Variants in RBFOX1 observed in about 807,000 individuals in gnomAD.
The protein encoded by RBFOX1 is RNA binding protein fox-1 homolog 1.
A neutral mutation model predicts 57.7 loss-of-function variants in RBFOX1; 8 were observed. That is an observed-to-expected ratio of 0.14 (90% CI 0.08 to 0.25). The LOEUF is 0.25. RBFOX1 is among the 10% of genes least tolerant of loss of function. RBFOX1 has a pLI of 1.00. For missense variants in RBFOX1, 611 were observed against 548.5 expected (o/e 1.11, Z -1.14); for synonymous variants, 326 against 222.4 (o/e 1.47, Z -4.15).
chr16:7,056,557 G>C (rs559037548), intron 4 of RBFOX1, among the ~76,000 whole-genome samples: 1 of 152,074 alleles, frequency 6.6e-6, no homozygotes, highest in Non-Finnish European at 1.5e-5. Context: ...CCAACAGATG[G>C]ACAAATAAAC....
intron 1 of RBFOX1, among the ~76,000 whole-genome samples, chr16:6,304,800 G>T (rs918214743): frequency 2.1e-5 from 3 of 141,562 alleles, no homozygotes; most frequent in African/African-American, 8.2e-5. Flanking sequence ...CCGGAGAAGG[G>T]AGGTGGAAAT....
At chr16:6,004,901 G>A (rs189363643) in intron 4 of RBFOX1, among the ~76,000 whole-genome samples, 24 of 152,252 alleles carry the variant, frequency 1.6e-4, no homozygotes, top group African/African-American at 4.1e-4. Context: ...TTAGTCAAGC[G>A]TGCAGTGTGT....
At chr16:6,730,480 CCTAA>C (rs1037121522) in intron 3 of RBFOX1, among the ~76,000 whole-genome samples, 21 of 152,070 alleles carry the variant, frequency 1.4e-4, no homozygotes, top group East Asian at 3.9e-4. Flanking sequence ...TATCTAATTA[CCTAA>C]CTGTCTAATC....
chr16:5,591,789 T>G (rs540109606), intron 2 of RBFOX1, among the ~76,000 whole-genome samples: 178 of 152,342 alleles, frequency 1.2e-3, no homozygotes, highest in Admixed American at 1.9e-3. Context: ...GAATTTATGT[T>G]GTTCCCAGTA....
Position 7,137,009 on chromosome 16 carries a change from C to G in RBFOX1, c.27+84911C>G, listed in dbSNP as rs74599441. Reference sequence around the variant, plus strand: ...CCTGCAACAGGACTTTTATTTCAGTCTTTTGTTTGCCAACTGGACACTAAG... The same window carrying G: ...CCTGCAACAGGACTTTTATTTCAGTGTTTTGTTTGCCAACTGGACACTAAG... On this transcript the variant is annotated intron_variant, in intron 4 of 15. Coordinates refer to ENST00000550418, the MANE Select transcript of RBFOX1 (RefSeq NM_018723.4). 4.3e-3 allele frequency among the ~76,000 whole-genome samples: 655 copies of G among 152,310 alleles called. 4 individuals carry two copies. Among genetic ancestry groups the G allele is most frequent in the African/African-American group, 0.015 (629 of 41,580 alleles).
chr16:7,244,355 C>G (rs1261161937), intron 4 of RBFOX1, among the ~76,000 whole-genome samples: 3 of 151,414 alleles, frequency 2.0e-5, no homozygotes. Flanking sequence ...GCAACTTCTT[C>G]AAACCCTCAA....
At chr16:6,894,372 GA>G (rs1232059233) in intron 3 of RBFOX1, among the ~76,000 whole-genome samples, 4 of 152,184 alleles carry the variant, frequency 2.6e-5, no homozygotes, top group African/African-American at 9.6e-5. Flanking sequence ...ATGGATGGGT[GA>G]AATGAAGTTT....
Position 7,002,244 on chromosome 16 carries a change from C to T in RBFOX1, c.-15-49813C>T, listed in dbSNP as rs114309991. ...CTGTCACTTGAGGCCCTGGATACAG[C>T]GGTGCATGAAGTTAATCTATCTACT... On this transcript the variant is annotated intron_variant, in intron 3 of 15. Coordinates refer to ENST00000550418, the MANE Select transcript of RBFOX1 (RefSeq NM_018723.4). Among the ~76,000 whole-genome samples, 964 of 152,210 alleles carry T rather than the reference C, an allele frequency of 6.3e-3. 15 individuals are homozygous for T. The highest frequency in any genetic ancestry group is 0.021 in the African/African-American group (873 of 41,540).
chr16:5,794,526 G>GTGTGTT (rs1216785904), intron 3 of RBFOX1, among the ~76,000 whole-genome samples: 1 of 152,130 alleles, frequency 6.6e-6, no homozygotes, highest in Non-Finnish European at 1.5e-5. Context: ...GTGTGTGTGT[G>GTGTGTT]TGTGGTGTGT....
intron 1 of RBFOX1, among the ~76,000 whole-genome samples, chr16:5,351,987 G>T (rs144310606): frequency 6.6e-6 from 1 of 152,174 alleles, no homozygotes; most frequent in Non-Finnish European, 1.5e-5. Context: ...TGTATTTTTA[G>T]TGGAGACAGG....
intron 4 of RBFOX1, among the ~76,000 whole-genome samples, chr16:7,457,551 A>C (rs1227314187): frequency 6.6e-6 from 1 of 152,102 alleles, no homozygotes; most frequent in East Asian, 1.9e-4. Flanking sequence ...GACTTTGGGG[A>C]AGTCCCTGGA....
rs567846802 is a variant in RBFOX1, at chr16:6,970,462, A to G, written c.-15-81595A>G. 8.5e-5 allele frequency among the ~76,000 whole-genome samples: 13 copies of G among 152,232 alleles called. No individual in the cohort carries two copies. The South Asian group carries it at 1.7e-3, about 19-fold the overall frequency. ...CCTTAGCCTGGGTAATGTATCAACA[A>G]TGGGAGTACATTGCTCACAGTTCTG... On this transcript the variant is annotated intron_variant, in intron 3 of 15. Coordinates refer to ENST00000550418, the MANE Select transcript of RBFOX1 (RefSeq NM_018723.4).
intron 3 of RBFOX1, among the ~76,000 whole-genome samples, chr16:5,649,244 C>G (rs1047139778): frequency 6.6e-6 from 1 of 152,050 alleles, no homozygotes; most frequent in African/African-American, 2.4e-5. Context: ...TTTTGGCTCA[C>G]TGCAACCTCC....
At chr16:7,704,884 A>G (rs945061139) in intron 14 of RBFOX1, among the ~76,000 whole-genome samples, 13 of 152,064 alleles carry the variant, frequency 8.5e-5, no homozygotes, top group Admixed American at 7.2e-4. Context: ...AATGTTGTCT[A>G]CAAAATGCAA....
At chr16:7,519,644 A>T in intron 5 of RBFOX1, 6 of 971,788 alleles carry the variant, frequency 6.2e-6, no homozygotes, top group Non-Finnish European at 7.3e-6. Flanking sequence ...GCATTTGGGA[A>T]CCTTTTTCTG....
chr16:5,725,617 G>C (rs1043451580), intron 3 of RBFOX1, among the ~76,000 whole-genome samples: 1 of 151,252 alleles, frequency 6.6e-6, no homozygotes, highest in Non-Finnish European at 1.5e-5. Context: ...CCTTCTGCTT[G>C]AGTCTGCAAG....
chr16:7,526,356 A>G (rs1404128276), intron 5 of RBFOX1, among the ~76,000 whole-genome samples: 1 of 152,190 alleles, frequency 6.6e-6, no homozygotes, highest in East Asian at 1.9e-4. Flanking sequence ...AGCTTAGACA[A>G]ACAGGTCAGT....
At chr16:5,876,522 A>G (rs191715121) in intron 4 of RBFOX1, among the ~76,000 whole-genome samples, 4 of 152,140 alleles carry the variant, frequency 2.6e-5, no homozygotes, top group Non-Finnish European at 4.4e-5. Context: ...AAACCTAGAG[A>G]GAAAAATCTC....
intron 4 of RBFOX1, among the ~76,000 whole-genome samples, chr16:7,124,737 A>T (rs1330457137): frequency 6.6e-6 from 1 of 152,064 alleles, no homozygotes; most frequent in Non-Finnish European, 1.5e-5. Context: ...CGGAAAAGGT[A>T]GCTGGCTTTA....
Sources: gnomAD v4.1 joint callset for allele counts (sites outside exome capture counted in the v4.1 genomes callset) on GRCh38, gnomAD v4.1.1 for gene constraint, MANE v1.5 for transcripts, NCBI Gene and HGNC (gene_info 2026-07-23, HGNC 2026-07-21) for gene names.